Variants in EXOC4 observed in about 807,000 individuals in gnomAD.
The protein encoded by EXOC4 is exocyst complex component 4, also known as SEC8-like 1.
A neutral mutation model predicts 107.2 loss-of-function variants in EXOC4; 71 were observed. The observed-to-expected ratio is 0.66, with a 90% CI of 0.55 to 0.81. EXOC4 has a LOEUF of 0.81. EXOC4 is among the 30% of genes least tolerant of loss of function. The pLI is 0.00. For missense variants in EXOC4, 1,108 were observed against 1,189.6 expected, an observed-to-expected ratio of 0.93 and a Z score of 1.01; for synonymous variants, 456 against 441.2, an observed-to-expected ratio of 1.03 and a Z score of -0.42.
At chr7:134,068,297 G>A (rs1304119002), downstream of EXOC4, among the ~76,000 whole-genome samples, 1 of 152,162 alleles carries the variant, frequency 6.6e-6, no homozygotes, top group Non-Finnish European at 1.5e-5. Flanking sequence ...ACGTGTCAGG[G>A]GAGGGACCTG....
chr7:133,565,973 A>G (rs1051759921), intron 9 of EXOC4, among the ~76,000 whole-genome samples: 1 of 152,318 alleles, frequency 6.6e-6, no homozygotes, highest in East Asian at 1.9e-4. Flanking sequence ...CCCAAGATAC[A>G]AGGCAACAAT....
intron 7 of EXOC4, among the ~76,000 whole-genome samples, chr7:133,448,512 T>C (rs896201949): frequency 6.6e-6 from 1 of 152,150 alleles, no homozygotes; most frequent in African/African-American, 2.4e-5. Flanking sequence ...CTCACTATGT[T>C]GCCCAGGCTG....
intron 10 of EXOC4, among the ~76,000 whole-genome samples, chr7:133,641,338 T>C (rs1295028208): frequency 6.6e-6 from 1 of 152,206 alleles, no homozygotes; most frequent in Non-Finnish European, 1.5e-5. Flanking sequence ...TGGATGGATA[T>C]TGAATATTCT....
At chr7:133,310,432 C>CGTTA (rs1794845944) in intron 4 of EXOC4, among the ~76,000 whole-genome samples, 3 of 152,142 alleles carry the variant, frequency 2.0e-5, no homozygotes, top group African/African-American at 7.2e-5. Flanking sequence ...CCTTCAAGGT[C>CGTTA]CTCTGCTGAT....
intron 9 of EXOC4, among the ~76,000 whole-genome samples, chr7:133,598,581 T>C (rs773602698): frequency 2.0e-5 from 3 of 152,228 alleles, no homozygotes; most frequent in Non-Finnish European, 4.4e-5. Flanking sequence ...CTAGAACAAC[T>C]AGGGTATGTG....
chr7:133,412,570 G>C (rs923694893), intron 7 of EXOC4, among the ~76,000 whole-genome samples: 1 of 151,764 alleles, frequency 6.6e-6, no homozygotes, highest in East Asian at 1.9e-4. Flanking sequence ...TTTTAGCTGT[G>C]GTCCCAATTA....
At chr7:133,513,897 G>A (rs1799820832) in intron 9 of EXOC4, among the ~76,000 whole-genome samples, 1 of 152,098 alleles carries the variant, frequency 6.6e-6, no homozygotes, top group Non-Finnish European at 1.5e-5. Context: ...TCTCCAATTT[G>A]CCGGACAGTA....
intron 1 of EXOC4, among the ~76,000 whole-genome samples, chr7:133,271,310 C>G (rs1023193610): frequency 6.6e-6 from 1 of 152,036 alleles, no homozygotes; most frequent in Non-Finnish European, 1.5e-5. Context: ...TATTTCTGGT[C>G]TCATATTGCA....
At chr7:133,793,464 G>C (rs1796748288) in intron 10 of EXOC4, among the ~76,000 whole-genome samples, 1 of 152,048 alleles carries the variant, frequency 6.6e-6, no homozygotes, top group African/African-American at 2.4e-5. Context: ...TGGCTCTTTT[G>C]GTTTGTATGT....
chr7:133,545,094 G>A (rs1316144105), intron 9 of EXOC4, among the ~76,000 whole-genome samples: 1 of 151,950 alleles, frequency 6.6e-6, no homozygotes, highest in Non-Finnish European at 1.5e-5. Context: ...CCTTGTCTAT[G>A]TGGTCGCTAT....
chr7:133,313,871 A>T (rs1317672000), intron 4 of EXOC4, among the ~76,000 whole-genome samples: 1 of 152,100 alleles, frequency 6.6e-6, no homozygotes, highest in Non-Finnish European at 1.5e-5. Context: ...TTCAGTCACA[A>T]TATATAATTG....
intron 12 of EXOC4, among the ~76,000 whole-genome samples, chr7:133,909,065 C>T (rs1280174634): frequency 6.6e-6 from 1 of 152,182 alleles, no homozygotes; most frequent in Non-Finnish European, 1.5e-5. Context: ...TCAACTCCCA[C>T]TTATGAGTGA....
chr7:133,263,243 A>G lies in EXOC4; in HGVS notation c.86+10056A>G, dbSNP rs1187161885. 2.6e-5 allele frequency among the ~76,000 whole-genome samples: 4 copies of G among 152,194 alleles called. 1 individual carries two copies. The highest frequency in any genetic ancestry group is 1.3e-4 in the Admixed American group (2 of 15,278). On this transcript the variant is annotated intron_variant, in intron 1 of 17. Transcript: ENST00000253861. ...TTACACAGTCTGTGAATATTACAAAATCACATGTGTGCCATAAATATGTAC... is the reference window on the plus strand; with the variant it reads ...TTACACAGTCTGTGAATATTACAAAGTCACATGTGTGCCATAAATATGTAC...
intron 17 of EXOC4, among the ~76,000 whole-genome samples, chr7:134,047,871 C>T (rs1039881526): frequency 2.0e-5 from 3 of 152,228 alleles, no homozygotes; most frequent in African/African-American, 7.2e-5. Context: ...CAAATAAAGA[C>T]CATGGCCTTG....
intron 1 of EXOC4, among the ~76,000 whole-genome samples, chr7:133,255,771 A>G (rs1795002175): frequency 6.6e-6 from 1 of 152,136 alleles, no homozygotes; most frequent in South Asian, 2.1e-4. Flanking sequence ...TTTAAATTTT[A>G]TAAACAGTGG....
chr7:133,425,936 A>G (rs959139547), intron 7 of EXOC4, among the ~76,000 whole-genome samples: 3 of 152,140 alleles, frequency 2.0e-5, no homozygotes, highest in African/African-American at 4.8e-5. Flanking sequence ...AAACCGTTAT[A>G]TTTCCTAAAT....
chr7:133,785,561 T>C (rs982587628), intron 10 of EXOC4, among the ~76,000 whole-genome samples: 1 of 152,220 alleles, frequency 6.6e-6, no homozygotes, highest in African/African-American at 2.4e-5. Context: ...ACTTACTTTC[T>C]CTAAATTGCC....
intron 7 of EXOC4, among the ~76,000 whole-genome samples, chr7:133,436,136 T>G (rs1056733137): frequency 1.3e-5 from 2 of 151,852 alleles, no homozygotes; most frequent in African/African-American, 4.8e-5. Flanking sequence ...AGCCGGCTTG[T>G]TTTTGAAAGA....
intron 7 of EXOC4, among the ~76,000 whole-genome samples, chr7:133,445,198 CAA>C (rs1406784503): frequency 6.6e-6 from 1 of 152,116 alleles, no homozygotes; most frequent in Non-Finnish European, 1.5e-5. Context: ...AGAATCTACT[CAA>C]GTGTACATAT....
Sources: allele counts gnomAD v4.1 joint callset (sites outside exome capture counted in the v4.1 genomes callset), GRCh38; gene constraint gnomAD v4.1.1; transcripts MANE v1.5; gene names NCBI Gene and HGNC (gene_info 2026-07-23, HGNC 2026-07-21).